The following CDK18 variants were observed in gnomAD, a reference collection of about 807,000 sequenced individuals.
The protein encoded by CDK18 is cyclin-dependent kinase 18.
A neutral mutation model predicts 62.0 loss-of-function variants in CDK18; 52 were observed. The observed-to-expected ratio is 0.84, with a 90% CI of 0.67 to 1.06. The LOEUF is 1.06. CDK18 is among the 50% of genes least tolerant of loss of function. The pLI is 0.00. For missense variants in CDK18, 604 were observed against 619.9 expected (o/e 0.97, Z 0.27); for synonymous variants, 237 against 247.0 (o/e 0.96, Z 0.38).
At chr1:205,518,594 T>C (rs74141237) in intron 1 of CDK18, among the ~76,000 whole-genome samples, 9,618 of 152,240 alleles carry the variant, frequency 0.063, 526 homozygotes, top group Middle Eastern at 0.15. Context: ...TTTGTGCACT[T>C]GGCAACAACC....
chr1:205,529,081 A>T lies in CDK18; in HGVS notation c.1057A>T (p.Ile353Phe). 1 of 1,585,210 alleles carries T rather than the reference A, an allele frequency of 6.3e-7. No homozygotes were observed. The highest frequency in any genetic ancestry group is 8.6e-7 in the Non-Finnish European group (1 of 1,165,616). ...GSTVKEELHLIFRLLGTPTEE... is the reference protein window; with the variant it reads ...GSTVKEELHLFFRLLGTPTEE... ...CACAGTCAAGGAGGAGCTGCACCTC[A>T]TCTTTCGCCTCCTCGGTCAGTCTCC... The change falls in exon 11 of 16, where the codon ATC (isoleucine) becomes TTC (phenylalanine). Residue 353 changes from isoleucine (I) to phenylalanine (F), a missense_variant. By Grantham distance (21) the Ile-to-Phe change is conservative (BLOSUM62 0). Transcript: ENST00000429964.
At chr1:205,524,201 T>C in intron 3 of CDK18, 31 bp from the exon 4 acceptor site, 1 of 1,613,944 alleles carries the variant, frequency 6.2e-7, no homozygotes, top group Non-Finnish European at 8.5e-7. Flanking sequence ...AAACCAACAG[T>C]GGTGTCCCCA....
rs1468183788 is a variant in CDK18, at chr1:205,517,688, CT to C, written c.-21-5458del. 6.6e-6 allele frequency among the ~76,000 whole-genome samples: 1 copy of C among 152,024 alleles called. No homozygotes were observed. The highest frequency in any genetic ancestry group is 2.4e-5 in the African/African-American group (1 of 41,376). On this transcript the variant is annotated intron_variant, in intron 1 of 15. Coordinates refer to ENST00000429964, the MANE Select transcript of CDK18 (RefSeq NM_212502.3). This position sits in a 1 kb window ranked among gnomAD's most constrained non-coding sequence, Gnocchi z 4.1. ...TTCTCACCCACAACATACAATCCAT[CT>C]GCAGAGCTCTTTGCCTCCACCTTCA...
Position 205,527,773 on chromosome 1 carries a change from T to A in CDK18, c.730-21T>A. Reference sequence around the variant, plus strand: ...GCTCAGGGCCACCTTCCACCCCACATTTCTCTTCCCCCTCCCCCAGATTTT... The same window carrying A: ...GCTCAGGGCCACCTTCCACCCCACAATTCTCTTCCCCCTCCCCCAGATTTT... On this transcript the variant is annotated intron_variant, in intron 8 of 15. Transcript: ENST00000429964. This position sits in a 1 kb window ranked among gnomAD's most constrained non-coding sequence, Gnocchi z 4.1. 1 of 1,612,634 alleles carries A rather than the reference T, an allele frequency of 6.2e-7. No homozygotes were observed.
chr1:205,520,099 G>A (rs1276535076), intron 1 of CDK18, among the ~76,000 whole-genome samples: 1 of 152,122 alleles, frequency 6.6e-6, no homozygotes, highest in Non-Finnish European at 1.5e-5. Flanking sequence ...TGGTGGAGAT[G>A]CACTGGCTTC....
intron 2 of CDK18, 57 bp from the exon 3 acceptor site, chr1:205,523,426 C>A: frequency 6.3e-7 from 1 of 1,597,512 alleles, no homozygotes; most frequent in Non-Finnish European, 8.5e-7. Context: ...GGGGGGCTAC[C>A]CTTCTCTCCC....
At chr1:205,506,498 A>G (rs1667312176) in intron 1 of CDK18, among the ~76,000 whole-genome samples, 1 of 152,220 alleles carries the variant, frequency 6.6e-6, no homozygotes, top group Non-Finnish European at 1.5e-5. Context: ...AGAGTAGACA[A>G]GCCTTAGTGG....
At chr1:205,509,987 C>T (rs760185504) in intron 1 of CDK18, among the ~76,000 whole-genome samples, 9 of 151,288 alleles carry the variant, frequency 5.9e-5, no homozygotes, top group Admixed American at 1.3e-4. Flanking sequence ...GGCTGAGGCA[C>T]GAGAATCGCT....
At chr1:205,518,874 C>T (rs1469593085) in intron 1 of CDK18, among the ~76,000 whole-genome samples, 1 of 152,198 alleles carries the variant, frequency 6.6e-6, no homozygotes, top group Non-Finnish European at 1.5e-5. Flanking sequence ...GAAGAAGCAA[C>T]TGGAGCTGGC....
rs75620828 is a variant in CDK18, at chr1:205,527,627, G to C, written c.730-167G>C. 3.8e-3 allele frequency: 2,588 copies of C among 677,206 alleles called. 54 individuals carry two copies. The African/African-American group carries it at 0.042, about 11-fold the overall frequency. The allele number at this position is 677,206 out of a possible 1,614,324, so 41.9% of individuals were successfully genotyped here. ...CCCTGCTGTCCTCCCCTCTGGATGG[G>C]ATTCCCTGGTGTGGGTGGGGTCCAG... On this transcript the variant is annotated intron_variant, in intron 8 of 15. Coordinates refer to ENST00000429964, the MANE Select transcript of CDK18 (RefSeq NM_212502.3). The surrounding 1 kb of genome is among the most constrained non-coding windows in gnomAD (Gnocchi z 4.1).
intron 14 of CDK18, 36 bp from the exon 15 acceptor site, chr1:205,530,592 G>A (rs755653484): frequency 6.3e-6 from 10 of 1,593,100 alleles, no homozygotes; most frequent in South Asian, 2.2e-5. Flanking sequence ...CCAGCTCCAC[G>A]CAGCCCTCTC....
chr1:205,524,138 G>A, intron 3 of CDK18, 94 bp from the exon 4 acceptor site: 1 of 1,442,252 alleles, frequency 6.9e-7, no homozygotes, highest in Admixed American at 1.7e-5. Flanking sequence ...TGTTCTGCAG[G>A]GAACGCTAGG....
chr1:205,528,992 C>A lies in CDK18; in HGVS notation c.975-7C>A. 6.4e-7 allele frequency: 1 copy of A among 1,566,682 alleles called. No individual in the cohort carries two copies. Among genetic ancestry groups the A allele is most frequent in the Non-Finnish European group, 8.7e-7 (1 of 1,154,612 alleles). On this transcript the variant is annotated splice_region_variant and splice_polypyrimidine_tract_variant and intron_variant, in intron 10 of 15. Transcript: ENST00000429964. The surrounding 1 kb of genome is among the most constrained non-coding windows in gnomAD (Gnocchi z 4.2). Reference sequence around the variant, plus strand: ...CTGATGCCGACCCTACCCCTTGCTCCTCGCAGGGGCGTGGGCTGCATCCAC... The same window carrying A: ...CTGATGCCGACCCTACCCCTTGCTCATCGCAGGGGCGTGGGCTGCATCCAC...
rs377139154 is a variant in CDK18, at chr1:205,524,335, G to T, written c.377G>T (p.Arg126Leu). The T allele has an allele frequency of 1.9e-6, 3 of 1,614,012 alleles. No individual in the cohort carries two copies. The highest frequency in any genetic ancestry group is 3.3e-5 in the Admixed American group (2 of 60,008). ...ESPDLPKPLS[R>L]MSRRASLSDI... The stretch of plus-strand genomic sequence containing the variant: ...CCAGATCTGCCCAAGCCGCTCAGCC[G>T]CATGTCCCGCCGGGCCTCCCTGGTG... The change falls in exon 4 of 16, where the codon CGC becomes CTC. Residue 126 changes from arginine (R) to leucine (L), a missense_variant. Transcript: ENST00000429964.
In CDK18 at chr1:205,516,425, C is replaced by T. The variant is rs1667821012; in HGVS notation, c.-21-6722C>T. On this transcript the variant is annotated intron_variant, in intron 1 of 15. Transcript: ENST00000429964. The surrounding 1 kb of genome is among the most constrained non-coding windows in gnomAD (Gnocchi z 4.8). ...CTCTGGGCTTCAGAAAGTGGGCAGC[C>T]ACAAGTTACGTCCCCCAACCCCTGC... Among the ~76,000 whole-genome samples, 2 of 152,164 alleles carry T rather than the reference C, an allele frequency of 1.3e-5. No individual in the cohort carries two copies. Among genetic ancestry groups the T allele is most frequent in the Non-Finnish European group, 2.9e-5 (2 of 68,032 alleles).
Position 205,528,337 on chromosome 1 carries a change from AT to A in CDK18, c.974+170del, listed in dbSNP as rs1317966793. On this transcript the variant is annotated intron_variant, in intron 10 of 15. Coordinates refer to ENST00000429964, the MANE Select transcript of CDK18 (RefSeq NM_212502.3). The surrounding 1 kb of genome is among the most constrained non-coding windows in gnomAD (Gnocchi z 4.2). ...GTTAAAAAATTAGGTCTGAAATATA[AT>A]AGGTTAGGGTTTCCCTGGCTTAAAT... is the stretch of plus-strand genomic sequence containing the variant. Among the ~76,000 whole-genome samples, 1 of 152,024 alleles carries A rather than the reference AT, an allele frequency of 6.6e-6. No homozygotes were observed. The highest frequency in any genetic ancestry group is 1.5e-5 in the Non-Finnish European group (1 of 67,988).
intron 1 of CDK18, among the ~76,000 whole-genome samples, chr1:205,505,879 C>T (rs1214933445): frequency 6.6e-6 from 1 of 152,176 alleles, no homozygotes; most frequent in African/African-American, 2.4e-5. Context: ...GCGCTATCTG[C>T]TACTGTCTCC....
Position 205,524,397 on chromosome 1 carries a change from T to C in CDK18, c.399+40T>C, listed in dbSNP as rs77268387. On this transcript the variant is annotated intron_variant, in intron 4 of 15. Transcript: ENST00000429964. ...GGTCAGAGGACACAAGGTGGGGTGA[T>C]ATGCCCTCCCCAGCATGGGCATATC... is the stretch of plus-strand genomic sequence containing the variant. 686 of 1,612,246 alleles carry C rather than the reference T, an allele frequency of 4.3e-4. 8 individuals are homozygous for C. In the East Asian group the frequency reaches 0.015, roughly 35 times the overall value.
Position 205,527,033 on chromosome 1 carries a change from ACT to A in CDK18, c.729+197_729+198del. ...CGCTTTACCCCAAGAACAGACACAC[ACT>A]GTCTGCCACTGTCTAGCTGTTGGTA... On this transcript the variant is annotated intron_variant, in intron 8 of 15. Transcript: ENST00000429964. The surrounding 1 kb of genome is among the most constrained non-coding windows in gnomAD (Gnocchi z 4.1). 3 of 586,702 alleles carry A rather than the reference ACT, an allele frequency of 5.1e-6. No homozygotes were observed. The highest frequency in any genetic ancestry group is 4.3e-5 in the South Asian group (2 of 47,020). The allele number at this position is 586,702 out of a possible 1,614,324, so 36.3% of individuals were successfully genotyped here. A position where few individuals can be genotyped will look rare whatever the true frequency, so the allele number is the denominator to read the frequency against.
Sources: gnomAD v4.1 joint callset for allele counts (sites outside exome capture counted in the v4.1 genomes callset) on GRCh38, gnomAD v4.1.1 for gene constraint, Gnocchi (gnomAD v3.1) non-coding constraint, MANE v1.5 for transcripts, NCBI Gene and HGNC (gene_info 2026-07-23, HGNC 2026-07-21) for gene names.